Variants in PBX3 observed in about 807,000 individuals in gnomAD.
PBX3 encodes the protein PBX homeobox 3.
In PBX3, 14 loss-of-function variants were observed where a neutral mutation model predicts 48.5. The observed-to-expected ratio is 0.29, with a 90% CI of 0.19 to 0.45. PBX3 has a LOEUF of 0.45. Ranked by LOEUF, PBX3 falls within the 20% of genes least tolerant of loss-of-function variation. The pLI, the probability that PBX3 is intolerant of heterozygous loss-of-function variation, is 1.00. For synonymous variants in PBX3, 210 were observed against 200.3 expected, an observed-to-expected ratio of 1.05 and a Z score of -0.41; for missense variants, 386 against 546.7, an observed-to-expected ratio of 0.71 and a Z score of 2.93.
intron 2 of PBX3, among the ~76,000 whole-genome samples, chr9:125,758,979 G>A (rs1836592901): frequency 6.6e-6 from 1 of 152,188 alleles, no homozygotes; most frequent in Non-Finnish European, 1.5e-5. Context: ...GACACTGAGA[G>A]GTTAAGTAAT....
chr9:125,894,554 CA>C (rs1043015271), intron 2 of PBX3, among the ~76,000 whole-genome samples: 20 of 152,142 alleles, frequency 1.3e-4, no homozygotes, highest in African/African-American at 4.8e-4. Context: ...AAAGTAAATG[CA>C]TGTCTTTGTA....
At chr9:125,792,758 G>T (rs1426873415) in intron 2 of PBX3, among the ~76,000 whole-genome samples, 1 of 150,644 alleles carries the variant, frequency 6.6e-6, no homozygotes, top group Non-Finnish European at 1.5e-5. Flanking sequence ...GAGTGCAGTG[G>T]CACAATCTCT....
At position 125,966,402 on chromosome 9, in the gene PBX3, A is replaced by C. The variant is rs949490569; in HGVS notation, c.*479A>C. 6.5e-6 allele frequency: 1 copy of C among 153,158 alleles called. No homozygotes were observed. The highest frequency in any genetic ancestry group is 2.4e-5 in the African/African-American group (1 of 41,446). 9.5% of individuals were successfully genotyped at this position (153,158 alleles called of 1,614,324 possible). On this transcript the variant is annotated 3_prime_UTR_variant, in exon 9 of 9. Transcript: ENST00000373489. The stretch of plus-strand genomic sequence containing the variant: ...AGTTGGAATAAAGAGCTGTTTGCCT[A>C]TCCCTGTTAATGATGGTTGTGTTTA...
At chr9:125,894,299 T>C (rs1016325688) in intron 2 of PBX3, among the ~76,000 whole-genome samples, 8 of 152,202 alleles carry the variant, frequency 5.3e-5, no homozygotes, top group African/African-American at 1.9e-4. Context: ...GTTCTGTTGT[T>C]TTCGACAGTA....
intron 2 of PBX3, among the ~76,000 whole-genome samples, 184 bp from the exon 3 acceptor site, chr9:125,915,502 A>G (rs1385209855): frequency 6.6e-6 from 1 of 152,188 alleles, no homozygotes; most frequent in Non-Finnish European, 1.5e-5. Context: ...TGTAAACACT[A>G]TCTTAAAAAT....
intron 2 of PBX3, among the ~76,000 whole-genome samples, chr9:125,790,579 A>AT (rs889451431): frequency 4.9e-5 from 7 of 142,958 alleles, no homozygotes; most frequent in African/African-American, 1.6e-4. Context: ...ATTTAATTTA[A>AT]TTTTTTTAAA....
chr9:125,832,856 G>T (rs117564401), intron 2 of PBX3, among the ~76,000 whole-genome samples: 1 of 152,192 alleles, frequency 6.6e-6, no homozygotes, highest in Non-Finnish European at 1.5e-5. Flanking sequence ...GGTGTTTTTG[G>T]CCACACCTAT....
chr9:125,765,750 T>C (rs1478397394), intron 2 of PBX3, among the ~76,000 whole-genome samples: 1 of 152,208 alleles, frequency 6.6e-6, no homozygotes, highest in Non-Finnish European at 1.5e-5. Context: ...TGTTCATTTT[T>C]AAAGCTCCAA....
chr9:125,962,883 A>T, intron 7 of PBX3, 129 bp from the exon 8 acceptor site: 1 of 457,936 alleles, frequency 2.2e-6, no homozygotes. Context: ...GTCACATTTG[A>T]TTGATAAATT....
At chr9:125,815,268 C>G (rs1204995217) in intron 2 of PBX3, among the ~76,000 whole-genome samples, 1 of 152,210 alleles carries the variant, frequency 6.6e-6, no homozygotes, top group Admixed American at 6.5e-5. Context: ...TAACCTCTTG[C>G]TGTTCTTCTC....
intron 5 of PBX3, among the ~76,000 whole-genome samples, chr9:125,957,743 T>C (rs1335038171): frequency 2.0e-5 from 3 of 152,252 alleles, no homozygotes; most frequent in African/African-American, 7.2e-5. Flanking sequence ...GATGGGCCTT[T>C]GTTGCTAAAT....
intron 2 of PBX3, among the ~76,000 whole-genome samples, chr9:125,803,061 C>G (rs1004089872): frequency 2.0e-5 from 3 of 149,704 alleles, no homozygotes; most frequent in Non-Finnish European, 3.0e-5. Context: ...TATCTATAGA[C>G]CTTATTTCAG....
chr9:125,751,482 G>A (rs954088023), intron 2 of PBX3, among the ~76,000 whole-genome samples: 1 of 152,130 alleles, frequency 6.6e-6, no homozygotes, highest in African/African-American at 2.4e-5. Flanking sequence ...AGATAAATGG[G>A]TAATCTACTA....
At chr9:125,956,894 A>T (rs568843098) in intron 5 of PBX3, among the ~76,000 whole-genome samples, 9 of 152,302 alleles carry the variant, frequency 5.9e-5, no homozygotes, top group African/African-American at 2.2e-4. Context: ...TGCACTGCGC[A>T]TGCAGCCTGG....
At chr9:125,959,300 C>A (rs1842375884) in intron 5 of PBX3, among the ~76,000 whole-genome samples, 1 of 152,224 alleles carries the variant, frequency 6.6e-6, no homozygotes, top group African/African-American at 2.4e-5. Context: ...AGCACATTTA[C>A]TTCCTGATGG....
intron 5 of PBX3, among the ~76,000 whole-genome samples, chr9:125,950,505 G>T (rs1842172898): frequency 6.8e-6 from 1 of 147,742 alleles, no homozygotes; most frequent in African/African-American, 2.5e-5. Flanking sequence ...TTGAGACTGA[G>T]TCTTGCTCTG....
chr9:125,797,076 A>G (rs1196046362), intron 2 of PBX3, among the ~76,000 whole-genome samples: 1 of 152,082 alleles, frequency 6.6e-6, no homozygotes, highest in East Asian at 1.9e-4. Context: ...ATTTTTATTC[A>G]TTTTAAAAAA....
At chr9:125,869,300 T>C (rs2132314397) in intron 2 of PBX3, among the ~76,000 whole-genome samples, 1 of 152,260 alleles carries the variant, frequency 6.6e-6, no homozygotes, top group East Asian at 1.9e-4. Flanking sequence ...CAACAAACAT[T>C]TAATTTATGG....
chr9:125,846,094 T>C (rs1839421117), intron 2 of PBX3, among the ~76,000 whole-genome samples: 1 of 152,066 alleles, frequency 6.6e-6, no homozygotes, highest in South Asian at 2.1e-4. Context: ...GAAGATGTCA[T>C]TTGAGGAAGG....
Sources: allele counts gnomAD v4.1 joint callset (sites outside exome capture counted in the v4.1 genomes callset), GRCh38; gene constraint gnomAD v4.1.1; transcripts MANE v1.5; gene names NCBI Gene and HGNC (gene_info 2026-07-23, HGNC 2026-07-21).